The following R3HDM2 variants were observed in gnomAD, a reference collection of about 807,000 sequenced individuals.
R3HDM2 encodes the protein R3H domain-containing protein 2.
In R3HDM2, 38 loss-of-function variants were observed where a neutral mutation model predicts 124.5. The observed-to-expected ratio is 0.31, with a 90% CI of 0.24 to 0.40. R3HDM2 has a LOEUF of 0.40. Among genes scored for constraint, R3HDM2 ranks in the 10% least tolerant of loss-of-function variants. The probability of loss-of-function intolerance (pLI) is 1.00; values close to 1 mark genes in which losing one functional copy is unlikely to be tolerated. For missense variants in R3HDM2, 869 were observed against 1,236.9 expected (o/e 0.70, Z 4.46); for synonymous variants, 391 against 448.0 (o/e 0.87, Z 1.61).
chr12:57,299,188 G>C (rs1357710898), intron 6 of R3HDM2, among the ~76,000 whole-genome samples, 164 bp downstream of exon 6: 2 of 152,192 alleles, frequency 1.3e-5, no homozygotes, highest in Non-Finnish European at 2.9e-5. Context: ...GGCAGGTTCA[G>C]TTAAAGAAGC....
At chr12:57,288,042 G>A (rs1252211967) in intron 12 of R3HDM2, among the ~76,000 whole-genome samples, 1 of 144,804 alleles carries the variant, frequency 6.9e-6, no homozygotes. Flanking sequence ...TTGAGACAGA[G>A]TCTTGCTCTG....
chr12:57,295,959 A>C (rs1256463973), intron 9 of R3HDM2, among the ~76,000 whole-genome samples: 1 of 152,028 alleles, frequency 6.6e-6, no homozygotes, highest in African/African-American at 2.4e-5. Flanking sequence ...AACCTCTGCC[A>C]CTGGGGTTCA....
At chr12:57,275,572 C>T (rs2044505188) in intron 14 of R3HDM2, among the ~76,000 whole-genome samples, 1 of 147,798 alleles carries the variant, frequency 6.8e-6, no homozygotes, top group South Asian at 2.1e-4. Context: ...ACAATCTGTA[C>T]ATCTGACAAA....
chr12:57,269,524 C>T, intron 15 of R3HDM2, 75 bp from the exon 16 acceptor site: 1 of 1,559,178 alleles, frequency 6.4e-7, no homozygotes, highest in African/African-American at 1.4e-5. Context: ...CTATAAATGC[C>T]TCAAGATTGA....
At chr12:57,288,982 G>A in intron 12 of R3HDM2, 27 bp downstream of exon 12, 1 of 1,548,048 alleles carries the variant, frequency 6.5e-7, no homozygotes, top group Non-Finnish European at 8.7e-7. Context: ...TCAATGAGAA[G>A]CAGGGAACAT....
chr12:57,371,936 C>T (rs1453386545), intron 2 of R3HDM2, among the ~76,000 whole-genome samples: 3 of 152,156 alleles, frequency 2.0e-5, no homozygotes, highest in Non-Finnish European at 4.4e-5. Flanking sequence ...GGTGCGGTCT[C>T]GGCTCACTAT....
At chr12:57,287,344 G>A (rs564897023) in intron 12 of R3HDM2, among the ~76,000 whole-genome samples, 4 of 152,330 alleles carry the variant, frequency 2.6e-5, no homozygotes, top group African/African-American at 9.6e-5. Flanking sequence ...ACCCCGAAGT[G>A]TAGACTGTGG....
chr12:57,360,022 T>TAC (rs1275851508), intron 2 of R3HDM2, among the ~76,000 whole-genome samples: 3,257 of 90,190 alleles, frequency 0.036, 75 homozygotes, highest in South Asian at 0.051. Flanking sequence ...TATATATATA[T>TAC]ACACACATAT....
rs535210417 is a variant in R3HDM2, at chr12:57,427,968, A to G, written c.-106+2752T>C. On this transcript the variant is annotated intron_variant, in intron 1 of 23. Transcript: ENST00000402412. The stretch of plus-strand genomic sequence containing the variant: ...CCCTGTGTGTACTAAAAATACAAAA[A>G]AATTAGCCAGGCATGGTGGCAGGCA... Among the ~76,000 whole-genome samples, 7 of 152,060 alleles carry G rather than the reference A, an allele frequency of 4.6e-5. No individual in the cohort carries two copies. The South Asian group carries it at 1.5e-3, about 32-fold the overall frequency.
intron 1 of R3HDM2, among the ~76,000 whole-genome samples, chr12:57,399,011 C>T (rs908199873): frequency 1.1e-4 from 16 of 152,340 alleles, no homozygotes; most frequent in Admixed American, 7.2e-4. Context: ...AAGAGAATCA[C>T]TGCTGATAAG....
At chr12:57,371,967 A>T (rs1181942593) in intron 2 of R3HDM2, among the ~76,000 whole-genome samples, 1 of 152,190 alleles carries the variant, frequency 6.6e-6, no homozygotes, top group African/African-American at 2.4e-5. Flanking sequence ...TCCCGGGTTC[A>T]AGCGATTCTC....
At chr12:57,283,258 T>C (rs530242252) in intron 13 of R3HDM2, among the ~76,000 whole-genome samples, 1 of 152,276 alleles carries the variant, frequency 6.6e-6, no homozygotes, top group African/African-American at 2.4e-5. Context: ...TGTTCCACCT[T>C]ACATGAAAAT....
At chr12:57,340,303 A>C (rs2136943163) in intron 2 of R3HDM2, among the ~76,000 whole-genome samples, 1 of 152,328 alleles carries the variant, frequency 6.6e-6, no homozygotes, top group East Asian at 1.9e-4. Context: ...CCCAGCAACG[A>C]TTAATGAGGG....
At chr12:57,374,502 T>TA (rs1276416269) in intron 2 of R3HDM2, among the ~76,000 whole-genome samples, 8 of 148,424 alleles carry the variant, frequency 5.4e-5, no homozygotes, top group African/African-American at 1.7e-4. Context: ...GCCAACATGG[T>TA]AAAACCCTGT....
rs751082528 is a variant in R3HDM2 at position 57,269,459 on chromosome 12, G to C, written c.1588-10C>G. 1 of 1,613,668 alleles carries C rather than the reference G, an allele frequency of 6.2e-7. No individual in the cohort carries two copies. Among genetic ancestry groups the C allele is most frequent in the South Asian group, 1.1e-5 (1 of 90,960 alleles). On this transcript the variant is annotated splice_polypyrimidine_tract_variant and intron_variant, in intron 15 of 23. Coordinates refer to ENST00000402412, the MANE Select transcript of R3HDM2 (RefSeq NM_001394031.1). ...AGTAAGAAACCTGGATCTATGGTGA[G>C]AGGAGACAGATGTGTGAGAAGTCCC... is the stretch of plus-strand genomic sequence containing the variant.
rs1050808755 is a variant in R3HDM2, at chr12:57,255,932, A to G, written c.2632+58T>C. 7.5e-6 allele frequency: 11 copies of G among 1,459,026 alleles called. No individual in the cohort carries two copies. In the African/African-American group the frequency reaches 1.4e-4, roughly 18 times the overall value. The allele number at this position is 1,459,026 out of a possible 1,614,324, so 90.4% of individuals were successfully genotyped here. A position where few individuals can be genotyped will look rare whatever the true frequency, so the allele number is the denominator to read the frequency against. On this transcript the variant is annotated intron_variant, in intron 23 of 23. Coordinates refer to ENST00000402412, the MANE Select transcript of R3HDM2 (RefSeq NM_001394031.1). Reference sequence around the variant, plus strand: ...CTTTTCCCACCCATGCTGGACTGGTAATTAAGCGCTGGAAGGGTGGGCACC... The same window carrying G: ...CTTTTCCCACCCATGCTGGACTGGTGATTAAGCGCTGGAAGGGTGGGCACC...
chr12:57,257,852 G>A (rs1315970104), intron 21 of R3HDM2, 138 bp downstream of exon 21: 1 of 955,290 alleles, frequency 1.0e-6, no homozygotes, highest in Non-Finnish European at 1.4e-6. Context: ...ATACAGGGAT[G>A]TTAAAGGAAG....
intron 1 of R3HDM2, among the ~76,000 whole-genome samples, chr12:57,398,712 C>T (rs904389949): frequency 1.3e-5 from 2 of 152,132 alleles, no homozygotes; most frequent in African/African-American, 4.8e-5. Context: ...TGGTCTCAAA[C>T]TCCTGACCTC....
At chr12:57,367,577 T>A (rs1382514378) in intron 2 of R3HDM2, among the ~76,000 whole-genome samples, 1 of 152,202 alleles carries the variant, frequency 6.6e-6, no homozygotes, top group Non-Finnish European at 1.5e-5. Flanking sequence ...TGTATGTGTA[T>A]CCCTCCCAAC....
Sources: allele counts gnomAD v4.1 joint callset (sites outside exome capture counted in the v4.1 genomes callset), GRCh38; gene constraint gnomAD v4.1.1; transcripts MANE v1.5; gene names NCBI Gene and HGNC (gene_info 2026-07-23, HGNC 2026-07-21).